Variants in TMTC2 observed in about 807,000 individuals in gnomAD.
The protein encoded by TMTC2 is protein O-mannosyl-transferase TMTC2.
In TMTC2, 43 loss-of-function variants were observed where a neutral mutation model predicts 82.4. The ratio of observed to expected loss-of-function variants is 0.52; its 90% confidence interval spans 0.41 to 0.67. The LOEUF (loss-of-function observed/expected upper bound fraction) is 0.67, where lower values mean the gene tolerates loss of function less well. Among genes scored for constraint, TMTC2 ranks in the 30% least tolerant of loss-of-function variants. The pLI is 0.00. For synonymous variants in TMTC2, 408 were observed against 381.9 expected (o/e 1.07, Z -0.80); for missense variants, 919 against 1,012.4 (o/e 0.91, Z 1.25).
intron 1 of TMTC2, 104 bp downstream of exon 1, chr12:82,687,773 T>A (rs1359708206): frequency 3.6e-6 from 4 of 1,101,786 alleles, no homozygotes; most frequent in Non-Finnish European, 5.3e-6. Context: ...GAGGAACTGG[T>A]TCAGCACCTG....
chr12:83,051,278 T>C (rs2137457352), intron 10 of TMTC2, among the ~76,000 whole-genome samples: 1 of 152,250 alleles, frequency 6.6e-6, no homozygotes, highest in South Asian at 2.1e-4. Context: ...AACATTATTA[T>C]GAGGTGCTTT....
intron 1 of TMTC2, among the ~76,000 whole-genome samples, chr12:82,696,761 G>A (rs1271620623): frequency 6.6e-6 from 1 of 152,066 alleles, no homozygotes; most frequent in African/African-American, 2.4e-5. Context: ...GCATGATGTT[G>A]AGGATGCCTG....
At chr12:82,972,437 T>C (rs1374063427) in intron 7 of TMTC2, among the ~76,000 whole-genome samples, 5 of 152,272 alleles carry the variant, frequency 3.3e-5, no homozygotes, top group South Asian at 2.1e-4. Flanking sequence ...AGAGGAACAT[T>C]TTGATTTAAT....
At chr12:82,865,324 A>G (rs77810122) in intron 2 of TMTC2, among the ~76,000 whole-genome samples, 55 of 152,320 alleles carry the variant, frequency 3.6e-4, no homozygotes, top group Non-Finnish European at 6.3e-4. Flanking sequence ...AGATCTACCA[A>G]GCAAATGGAA....
chr12:82,859,258 G>T (rs2137118678), intron 2 of TMTC2, among the ~76,000 whole-genome samples: 1 of 152,086 alleles, frequency 6.6e-6, no homozygotes, highest in East Asian at 1.9e-4. Flanking sequence ...AGTAGAGATG[G>T]GGTTTCACCA....
intron 2 of TMTC2, among the ~76,000 whole-genome samples, chr12:82,882,642 G>A (rs565752013): frequency 7.2e-5 from 11 of 152,096 alleles, no homozygotes; most frequent in Middle Eastern, 6.8e-3. Context: ...TAATAGTTAC[G>A]AAGCCCAAGT....
At chr12:83,073,626 T>A (rs533167611) in intron 11 of TMTC2, among the ~76,000 whole-genome samples, 1 of 152,206 alleles carries the variant, frequency 6.6e-6, no homozygotes, top group African/African-American at 2.4e-5. Context: ...ATTCTTAAGT[T>A]TGGTCATTTA....
intron 11 of TMTC2, among the ~76,000 whole-genome samples, chr12:83,071,227 T>C (rs1883103150): frequency 6.7e-6 from 1 of 149,462 alleles, no homozygotes; most frequent in Non-Finnish European, 1.5e-5. Flanking sequence ...CTATCTCGGC[T>C]CACTGCAAGC....
chr12:82,998,720 C>G (rs1849529174), intron 8 of TMTC2, among the ~76,000 whole-genome samples: 1 of 151,996 alleles, frequency 6.6e-6, no homozygotes, highest in Non-Finnish European at 1.5e-5. Flanking sequence ...TCTCACCCTC[C>G]ACATTTAGCA....
intron 11 of TMTC2, among the ~76,000 whole-genome samples, chr12:83,111,452 A>G (rs1884596151): frequency 1.3e-5 from 2 of 152,198 alleles, no homozygotes; most frequent in African/African-American, 4.8e-5. Flanking sequence ...TTAAATTTGA[A>G]TATAATGCAA....
intron 1 of TMTC2, among the ~76,000 whole-genome samples, chr12:82,714,419 G>A (rs1051139018): frequency 1.3e-5 from 2 of 152,152 alleles, no homozygotes; most frequent in Non-Finnish European, 2.9e-5. Context: ...CTTAAATGTA[G>A]TAGAGTGCTT....
chr12:83,057,777 T>C (rs1348154963), intron 10 of TMTC2, among the ~76,000 whole-genome samples: 2 of 151,932 alleles, frequency 1.3e-5, no homozygotes, highest in African/African-American at 2.4e-5. Flanking sequence ...TACTGAAATA[T>C]TATCTTTTGT....
At chr12:83,053,377 G>A (rs953214631) in intron 10 of TMTC2, among the ~76,000 whole-genome samples, 1 of 152,012 alleles carries the variant, frequency 6.6e-6, no homozygotes, top group African/African-American at 2.4e-5. Context: ...TAGATAAGTG[G>A]TTTACCCACT....
rs111453378 is a variant in TMTC2, at chr12:82,952,520, G to GAC, written c.1599-12486_1599-12485dup. Among the ~76,000 whole-genome samples, 405 of 149,426 alleles carry GAC rather than the reference G, an allele frequency of 2.7e-3. 1 individual carries two copies. The highest frequency in any genetic ancestry group is 0.014 in the Middle Eastern group (4 of 292). On this transcript the variant is annotated intron_variant, in intron 4 of 11. Coordinates refer to ENST00000321196, the MANE Select transcript of TMTC2 (RefSeq NM_152588.3). ...AACTTTATATATACATACACACACA[G>GAC]ACACACACACACACACACATATGTA...
At chr12:82,717,032 G>A (rs1027299747) in intron 1 of TMTC2, among the ~76,000 whole-genome samples, 3 of 152,050 alleles carry the variant, frequency 2.0e-5, no homozygotes, top group Admixed American at 2.0e-4. Context: ...TCTTAAGGGT[G>A]GAAGCTGATA....
At chr12:83,038,266 A>G (rs1480889376) in intron 9 of TMTC2, among the ~76,000 whole-genome samples, 1 of 152,066 alleles carries the variant, frequency 6.6e-6, no homozygotes, top group Non-Finnish European at 1.5e-5. Flanking sequence ...GTGCACATGT[A>G]CCCTAAAACT....
chr12:82,965,584 T>C lies in TMTC2; in HGVS notation c.1709T>C (p.Ile570Thr), dbSNP rs1440434115. 13 of 1,613,586 alleles carry C rather than the reference T, an allele frequency of 8.1e-6. No individual in the cohort carries two copies. The highest frequency in any genetic ancestry group is 1.1e-5 in the Non-Finnish European group (13 of 1,179,684). ...GCTGCATATTTAAATACCGGTATTA[T>C]TCTAATGAACCAAGGAAGGACGGAA... The part of the protein sequence containing the change: ...LASAYLNTGI[I>T]LMNQGRTEEA... The change falls in exon 6 of 12, where the codon ATT (isoleucine) becomes ACT (threonine). Residue 570 changes from isoleucine (I) to threonine (T), a missense_variant. By Grantham distance (89) the Ile-to-Thr change is moderately conservative. Transcript: ENST00000321196.
At chr12:83,024,909 G>A (rs1295341877) in intron 8 of TMTC2, among the ~76,000 whole-genome samples, 1 of 152,114 alleles carries the variant, frequency 6.6e-6, no homozygotes, top group Non-Finnish European at 1.5e-5. Context: ...AAAGAAAATA[G>A]GGCCATACAT....
intron 4 of TMTC2, among the ~76,000 whole-genome samples, chr12:82,949,843 C>T (rs932327952): frequency 3.9e-5 from 6 of 152,126 alleles, no homozygotes; most frequent in Middle Eastern, 3.4e-3. Flanking sequence ...AGGAGTGAGT[C>T]CAAAGCACAA....
Sources: gnomAD v4.1 joint callset for allele counts (sites outside exome capture counted in the v4.1 genomes callset) on GRCh38, gnomAD v4.1.1 for gene constraint, MANE v1.5 for transcripts, NCBI Gene and HGNC (gene_info 2026-07-23, HGNC 2026-07-21) for gene names.